SEMA3C: variants seen among roughly 807,000 people sequenced by gnomAD.
SEMA3C encodes the protein semaphorin-3C.
In SEMA3C, 47 loss-of-function variants were observed where a neutral mutation model predicts 89.4. That is an observed-to-expected ratio of 0.53 (90% confidence interval 0.42 to 0.67). The LOEUF (loss-of-function observed/expected upper bound fraction) is 0.67. SEMA3C is among the 30% of genes least tolerant of loss of function. The probability of loss-of-function intolerance (pLI) is 0.00; values close to 1 mark genes in which losing one functional copy is unlikely to be tolerated. For synonymous variants in SEMA3C, 310 were observed against 320.2 expected (o/e 0.97, Z 0.34); for missense variants, 839 against 929.1 (o/e 0.90, Z 1.26).
chr7:80,811,429 C>A (rs1789466534), intron 5 of SEMA3C, among the ~76,000 whole-genome samples: 1 of 152,032 alleles, frequency 6.6e-6, no homozygotes, highest in African/African-American at 2.4e-5. Context: ...AGAGAGAAGA[C>A]TATAGATTGG....
intron 15 of SEMA3C, among the ~76,000 whole-genome samples, chr7:80,754,957 G>GTTTTTTTTGTT (rs1788025576): frequency 1.1e-4 from 12 of 108,388 alleles, no homozygotes; most frequent in African/African-American, 3.5e-4. Context: ...GTTTTTTTTT[G>GTTTTTTTTGTT]TTTTTTTTTT....
intron 2 of SEMA3C, among the ~76,000 whole-genome samples, chr7:80,892,156 T>C (rs1033009903): frequency 1.3e-5 from 2 of 152,224 alleles, no homozygotes; most frequent in South Asian, 2.1e-4. Flanking sequence ...ACAAAAATCA[T>C]TGGCTTCTGT....
At chr7:80,907,689 C>T (rs1271846801) in intron 2 of SEMA3C, among the ~76,000 whole-genome samples, 1 of 152,036 alleles carries the variant, frequency 6.6e-6, no homozygotes, top group African/African-American at 2.4e-5. Flanking sequence ...GTTGTGAATA[C>T]AGAACTAGAC....
intron 2 of SEMA3C, among the ~76,000 whole-genome samples, chr7:80,895,503 AGACTTAACAAAATGACTTT>A: frequency 6.6e-6 from 1 of 152,316 alleles, no homozygotes; most frequent in South Asian, 2.1e-4. Flanking sequence ...TCTTGACTCT[AGACTTAACAAAATGACTTT>A]CATAAAGGTG....
At chr7:80,809,997 T>A (rs1000381850) in intron 6 of SEMA3C, among the ~76,000 whole-genome samples, 1 of 152,074 alleles carries the variant, frequency 6.6e-6, no homozygotes, top group African/African-American at 2.4e-5. Flanking sequence ...ATCCAAGGAA[T>A]CAGTTTTAGT....
upstream of SEMA3C, among the ~76,000 whole-genome samples, chr7:80,919,559 G>T (rs1441936079): frequency 2.7e-5 from 4 of 145,694 alleles, no homozygotes; most frequent in Admixed American, 2.0e-4. Flanking sequence ...ATTCTGCTGC[G>T]TTTTTTTTTT....
At chr7:80,842,309 C>T (rs34068979) in intron 2 of SEMA3C, among the ~76,000 whole-genome samples, 7 of 152,144 alleles carry the variant, frequency 4.6e-5, no homozygotes, top group Non-Finnish European at 8.8e-5. Flanking sequence ...CCAAATTTCA[C>T]GTGATGGTAT....
intron 17 of SEMA3C, among the ~76,000 whole-genome samples, chr7:80,746,349 A>G (rs1291793034): frequency 6.6e-6 from 1 of 152,134 alleles, no homozygotes; most frequent in Non-Finnish European, 1.5e-5. Flanking sequence ...ACTTGGAGGA[A>G]GAAAACAAAA....
At chr7:80,836,632 C>A (rs184021734) in intron 2 of SEMA3C, among the ~76,000 whole-genome samples, 39 of 152,220 alleles carry the variant, frequency 2.6e-4, no homozygotes, top group African/African-American at 9.4e-4. Flanking sequence ...GAGCAGAGAT[C>A]ATGCCACTGC....
chr7:80,851,794 A>T (rs753977850), intron 2 of SEMA3C, among the ~76,000 whole-genome samples: 10 of 152,122 alleles, frequency 6.6e-5, no homozygotes, highest in Non-Finnish European at 1.3e-4. Context: ...AAGAAAAAAA[A>T]AGTTGAATAT....
chr7:80,749,335 C>A (rs991140717), intron 16 of SEMA3C, among the ~76,000 whole-genome samples: 13 of 152,120 alleles, frequency 8.5e-5, no homozygotes, highest in Non-Finnish European at 1.8e-4. Flanking sequence ...TTAATTATTA[C>A]AATACTCCTG....
intron 6 of SEMA3C, among the ~76,000 whole-genome samples, chr7:80,808,491 A>C (rs1165921357): frequency 1.3e-5 from 2 of 152,156 alleles, no homozygotes; most frequent in Non-Finnish European, 2.9e-5. Flanking sequence ...TAAATGATAT[A>C]CTTTTGGCTC....
At chr7:80,922,302 C>A (rs1028640652), upstream of SEMA3C, 1 of 1,287,962 alleles carries the variant, frequency 7.8e-7, no homozygotes, top group African/African-American at 1.5e-5. Context: ...TTTCTACTTC[C>A]CTCTCTTTCT....
chr7:80,906,505 A>G (rs1792018927), intron 2 of SEMA3C, among the ~76,000 whole-genome samples: 1 of 152,138 alleles, frequency 6.6e-6, no homozygotes, highest in Admixed American at 6.6e-5. Context: ...TTCCAGACTA[A>G]GCTTGATCAT....
At chr7:80,748,139 C>G (rs1207908136) in intron 17 of SEMA3C, among the ~76,000 whole-genome samples, 1 of 152,136 alleles carries the variant, frequency 6.6e-6, no homozygotes, top group Non-Finnish European at 1.5e-5. Context: ...AATGGTGGTA[C>G]ATTTTAGACT....
intron 15 of SEMA3C, 82 bp from the exon 16 acceptor site, chr7:80,751,418 T>C (rs1787932943): frequency 1.6e-6 from 2 of 1,249,388 alleles, no homozygotes; most frequent in South Asian, 2.5e-5. Context: ...AATTTTAAAC[T>C]TTGCACCCTT....
intron 15 of SEMA3C, among the ~76,000 whole-genome samples, chr7:80,756,753 C>T (rs948074809): frequency 6.6e-5 from 10 of 152,114 alleles, no homozygotes; most frequent in African/African-American, 2.2e-4. Context: ...TGCTAGATAA[C>T]GTCTTGGTGC....
chr7:80,917,098 C>G (rs1792296282), intron 1 of SEMA3C, among the ~76,000 whole-genome samples: 1 of 152,180 alleles, frequency 6.6e-6, no homozygotes, highest in Non-Finnish European at 1.5e-5. Flanking sequence ...AACACTGATA[C>G]CCAAAGGAAA....
intron 2 of SEMA3C, among the ~76,000 whole-genome samples, chr7:80,906,544 G>GA (rs1255153076): frequency 1.3e-5 from 2 of 151,132 alleles, no homozygotes; most frequent in Non-Finnish European, 1.5e-5. Flanking sequence ...AAAAAGAAGA[G>GA]AAAAAAAAGA....
Sources: allele counts gnomAD v4.1 joint callset (sites outside exome capture counted in the v4.1 genomes callset), GRCh38; gene constraint gnomAD v4.1.1; transcripts MANE v1.5; gene names NCBI Gene and HGNC (gene_info 2026-07-23, HGNC 2026-07-21).